Variants in HLCS observed in about 807,000 individuals in gnomAD.
HLCS encodes the protein holocarboxylase synthetase.
HLCS carries 53 observed loss-of-function variants against 75.0 expected under a neutral mutation model. The observed-to-expected ratio is 0.71, with a 90% confidence interval of 0.57 to 0.89. HLCS has a LOEUF of 0.89. Ranked by LOEUF, HLCS falls within the 40% of genes least tolerant of loss-of-function variation. The pLI is 0.00. For missense variants in HLCS, 966 were observed against 1,074.0 expected, an observed-to-expected ratio of 0.90 and a Z score of 1.41; for synonymous variants, 431 against 428.6, an observed-to-expected ratio of 1.01 and a Z score of -0.07.
chr21:36,840,767 C>T (rs530902795), intron 6 of HLCS, among the ~76,000 whole-genome samples: 1 of 152,206 alleles, frequency 6.6e-6, no homozygotes, highest in Admixed American at 6.5e-5. Context: ...CGCCCACCAC[C>T]ACGCCTGGCT....
chr21:36,825,438 C>A (rs745429060), intron 6 of HLCS, among the ~76,000 whole-genome samples: 2 of 152,028 alleles, frequency 1.3e-5, no homozygotes, highest in South Asian at 4.1e-4. Context: ...TTAACCTATT[C>A]TTGAGACTGG....
intron 5 of HLCS, among the ~76,000 whole-genome samples, chr21:36,912,071 CAA>C (rs71328522): frequency 2.2e-4 from 18 of 83,616 alleles, no homozygotes; most frequent in Admixed American, 7.7e-4. Flanking sequence ...AACTCCGTCT[CAA>C]AAAAAAAAAA....
intron 4 of HLCS, among the ~76,000 whole-genome samples, chr21:36,935,268 A>T (rs527713639): frequency 6.6e-6 from 1 of 152,272 alleles, no homozygotes; most frequent in African/African-American, 2.4e-5. Context: ...TGTGGCCTGC[A>T]GCACTGCAGG....
chr21:36,813,124 G>C (rs937277242), intron 6 of HLCS, among the ~76,000 whole-genome samples: 4 of 152,180 alleles, frequency 2.6e-5, no homozygotes, highest in Non-Finnish European at 4.4e-5. Flanking sequence ...AATATGCTAT[G>C]CATATTTGCA....
At chr21:36,934,388 A>G (rs1017343270) in intron 4 of HLCS, among the ~76,000 whole-genome samples, 2 of 152,202 alleles carry the variant, frequency 1.3e-5, no homozygotes, top group African/African-American at 4.8e-5. Flanking sequence ...CAATAGTGCC[A>G]TGGTTGAGAA....
chr21:36,778,204 T>C lies in HLCS; in HGVS notation c.1893-10919A>G, dbSNP rs544924394. ...CAGGATGGTCTTGATCTCCTGCCCT[T>C]GTGATCCGCCCACCTCTGCCTCCCA... On this transcript the variant is annotated intron_variant, in intron 6 of 10. Transcript: ENST00000674895. Among the ~76,000 whole-genome samples, 277 of 152,160 alleles carry C rather than the reference T, an allele frequency of 1.8e-3. 2 individuals are homozygous for C. The highest frequency in any genetic ancestry group is 2.0e-3 in the Non-Finnish European group (139 of 68,002).
chr21:36,796,379 C>T (rs545177883), intron 6 of HLCS, among the ~76,000 whole-genome samples: 2 of 152,170 alleles, frequency 1.3e-5, no homozygotes, highest in Non-Finnish European at 2.9e-5. Flanking sequence ...GCAGAACAGA[C>T]ATTTGGTAAT....
intron 6 of HLCS, among the ~76,000 whole-genome samples, chr21:36,793,778 G>C (rs2060944571): frequency 6.6e-6 from 1 of 152,196 alleles, no homozygotes; most frequent in African/African-American, 2.4e-5. Flanking sequence ...AAGAAATTTA[G>C]TGCTAGTCAG....
chr21:36,868,094 G>C (rs1037743171), intron 6 of HLCS, among the ~76,000 whole-genome samples: 6 of 151,680 alleles, frequency 4.0e-5, no homozygotes, highest in Non-Finnish European at 8.8e-5. Context: ...AGGTTGTAAT[G>C]AGCCAAGATC....
intron 6 of HLCS, among the ~76,000 whole-genome samples, chr21:36,895,063 G>A (rs1005975034): frequency 6.6e-6 from 1 of 151,902 alleles, no homozygotes; most frequent in East Asian, 1.9e-4. Context: ...TTGGTGACGC[G>A]CTGCCCTCTT....
intron 1 of HLCS, among the ~76,000 whole-genome samples, chr21:36,964,636 G>A (rs1453637448): frequency 2.0e-5 from 3 of 152,186 alleles, no homozygotes; most frequent in Non-Finnish European, 4.4e-5. Context: ...CAGAGTGACA[G>A]AGCAGAGTTA....
chr21:36,826,717 C>T (rs908302321), intron 6 of HLCS, among the ~76,000 whole-genome samples: 1 of 152,180 alleles, frequency 6.6e-6, no homozygotes, highest in Non-Finnish European at 1.5e-5. Flanking sequence ...GAACTTTCCA[C>T]AATGCCATAA....
chr21:36,845,197 A>C (rs1457165735), intron 6 of HLCS, among the ~76,000 whole-genome samples: 1 of 151,908 alleles, frequency 6.6e-6, no homozygotes, highest in African/African-American at 2.4e-5. Context: ...CCTCACGATG[A>C]CTCATTTTCC....
At chr21:36,904,594 C>T (rs1201840617) in intron 5 of HLCS, among the ~76,000 whole-genome samples, 2 of 152,174 alleles carry the variant, frequency 1.3e-5, no homozygotes, top group Admixed American at 6.5e-5. Flanking sequence ...TAGTCAAATA[C>T]ATTTTAAGTA....
At chr21:36,910,741 G>A (rs930868157) in intron 5 of HLCS, among the ~76,000 whole-genome samples, 1 of 152,116 alleles carries the variant, frequency 6.6e-6, no homozygotes, top group African/African-American at 2.4e-5. Context: ...TCACCAGCCT[G>A]GTCCCTTATG....
chr21:36,878,986 C>T (rs1454198805), intron 6 of HLCS, among the ~76,000 whole-genome samples: 1 of 268 alleles, frequency 3.7e-3, no homozygotes, highest in Non-Finnish European at 8.2e-3. Context: ...TAAAGGGGAA[C>T]CATGATGATA....
At chr21:36,931,283 C>CAAAAAAAAAAAAAAAAAAAAAAAAA (rs57829948) in intron 4 of HLCS, among the ~76,000 whole-genome samples, 1 of 75,472 alleles carries the variant, frequency 1.3e-5, no homozygotes, top group Non-Finnish European at 2.5e-5. Context: ...AACTCCATCG[C>CAAAAAAAAAAAAAAAAAAAAAAAAA]AAAAAAAAAA....
chr21:36,763,626 C>T (rs2089929746), intron 8 of HLCS, among the ~76,000 whole-genome samples: 1 of 152,192 alleles, frequency 6.6e-6, no homozygotes, highest in Admixed American at 6.5e-5. Context: ...TTGAGAGTCA[C>T]GCTCTTAACA....
intron 5 of HLCS, among the ~76,000 whole-genome samples, chr21:36,921,095 C>T (rs557649275): frequency 1.3e-5 from 2 of 152,206 alleles, no homozygotes; most frequent in African/African-American, 2.4e-5. Flanking sequence ...AAGAGAGCAA[C>T]TTACCAAATG....
Sources: allele counts gnomAD v4.1 joint callset (sites outside exome capture counted in the v4.1 genomes callset), GRCh38; gene constraint gnomAD v4.1.1; transcripts MANE v1.5; gene names NCBI Gene and HGNC (gene_info 2026-07-23, HGNC 2026-07-21).